Variants in INPP4B observed in about 807,000 individuals in gnomAD.
INPP4B encodes the protein inositol polyphosphate-4-phosphatase type II B.
A neutral mutation model predicts 122.5 loss-of-function variants in INPP4B; 55 were observed. The observed-to-expected ratio is 0.45, with a 90% confidence interval of 0.36 to 0.56. The LOEUF (loss-of-function observed/expected upper bound fraction) is 0.56, where lower values mean the gene tolerates loss of function less well. Among genes scored for constraint, INPP4B ranks in the 20% least tolerant of loss-of-function variants. The pLI is 0.00. For synonymous variants in INPP4B, 403 were observed against 388.7 expected (o/e 1.04, Z -0.43); for missense variants, 1,000 against 1,097.7 (o/e 0.91, Z 1.26).
intron 2 of INPP4B, among the ~76,000 whole-genome samples, chr4:142,647,759 AG>A (rs1330832716): frequency 2.0e-5 from 3 of 152,260 alleles, no homozygotes; most frequent in Non-Finnish European, 4.4e-5. Flanking sequence ...GTTTTCTTAC[AG>A]GCAATTTGGA....
intron 8 of INPP4B, among the ~76,000 whole-genome samples, chr4:142,308,368 C>G (rs1257476041): frequency 6.6e-6 from 1 of 151,856 alleles, no homozygotes; most frequent in Non-Finnish European, 1.5e-5. Flanking sequence ...TTTTTTAATC[C>G]TAAAAATAAC....
chr4:142,456,195 G>A (rs545550523), intron 3 of INPP4B, among the ~76,000 whole-genome samples: 2 of 151,994 alleles, frequency 1.3e-5, no homozygotes, highest in South Asian at 4.1e-4. Flanking sequence ...GGTTGTCTAT[G>A]CTTGTGGGGT....
intron 3 of INPP4B, among the ~76,000 whole-genome samples, chr4:142,454,281 T>G (rs1422542280): frequency 6.6e-6 from 1 of 152,098 alleles, no homozygotes; most frequent in African/African-American, 2.4e-5. Flanking sequence ...GTAGAAAAGT[T>G]TCCTTTCACA....
intron 8 of INPP4B, 76 bp downstream of exon 8, chr4:142,314,636 C>A: frequency 1.1e-5 from 15 of 1,342,038 alleles, no homozygotes; most frequent in Non-Finnish European, 1.6e-5. Flanking sequence ...AGTTACCAAG[C>A]AGGAGGCCAG....
rs1176261906 is a variant in INPP4B at position 142,627,465 on chromosome 4, G to C, written c.-191+98374C>G. 5.7e-5 allele frequency among the ~76,000 whole-genome samples: 8 copies of C among 141,024 alleles called. No homozygotes were observed. The South Asian group carries it at 2.0e-3, about 35-fold the overall frequency. The allele number at this position is 141,024 out of a possible 152,430, so 92.5% of individuals were successfully genotyped here. A position where few individuals can be genotyped will look rare whatever the true frequency, so the allele number is the denominator to read the frequency against. On this transcript the variant is annotated intron_variant, in intron 2 of 25. Coordinates refer to ENST00000262992, the MANE Select transcript of INPP4B (RefSeq NM_001101669.3). ...TTATTGAGAGTTTTTAGCATGAAGG[G>C]TTGTTGAATTTTGTCAAAGGCTTTT...
Position 142,787,591 on chromosome 4 carries a change from A to T in INPP4B, c.-254+58618T>A, listed in dbSNP as rs150880786. ...GGGTTTCATTCATATTCATATTACC[A>T]ACTTATTTTATACATTGAGCTGTCA... is the stretch of plus-strand genomic sequence containing the variant. On this transcript the variant is annotated intron_variant, in intron 1 of 25. Coordinates refer to ENST00000262992, the MANE Select transcript of INPP4B (RefSeq NM_001101669.3). Among the ~76,000 whole-genome samples the T allele has an allele frequency of 2.5e-3, 373 of 152,218 alleles. 5 individuals carry two copies. Among genetic ancestry groups the T allele is most frequent in the East Asian group, 0.019 (96 of 5,162 alleles).
At chr4:142,276,663 A>G (rs1748562428) in intron 9 of INPP4B, among the ~76,000 whole-genome samples, 1 of 151,932 alleles carries the variant, frequency 6.6e-6, no homozygotes, top group Non-Finnish European at 1.5e-5. Context: ...TCTTCAGTAT[A>G]TGGAAATGAG....
At chr4:142,354,838 G>A (rs1019457837) in intron 7 of INPP4B, among the ~76,000 whole-genome samples, 1 of 152,010 alleles carries the variant, frequency 6.6e-6, no homozygotes, top group Non-Finnish European at 1.5e-5. Context: ...CATACGGCTA[G>A]TTATCTATTT....
chr4:142,696,519 C>T (rs974142104), intron 2 of INPP4B, among the ~76,000 whole-genome samples: 41 of 152,310 alleles, frequency 2.7e-4, no homozygotes, highest in African/African-American at 8.4e-4. Flanking sequence ...CCAGCCCTGA[C>T]ATCTGTCTCC....
intron 2 of INPP4B, among the ~76,000 whole-genome samples, chr4:142,540,639 TA>T (rs1828830064): frequency 1.3e-5 from 2 of 152,288 alleles, no homozygotes; most frequent in South Asian, 4.1e-4. Flanking sequence ...TACTTTATAC[TA>T]AAAGTAATTA....
chr4:142,296,286 A>G (rs915149087), intron 9 of INPP4B, among the ~76,000 whole-genome samples: 25 of 150,372 alleles, frequency 1.7e-4, no homozygotes, highest in Admixed American at 1.1e-3. Context: ...GATTAGGAAC[A>G]TAAAAAAAAT....
chr4:142,775,240 A>C (rs1773676762), intron 1 of INPP4B, among the ~76,000 whole-genome samples: 1 of 151,010 alleles, frequency 6.6e-6, no homozygotes. Flanking sequence ...TTGTAAAGTT[A>C]CTCTCCTCCA....
chr4:142,323,841 G>C (rs973458442), intron 7 of INPP4B, among the ~76,000 whole-genome samples: 4 of 151,902 alleles, frequency 2.6e-5, no homozygotes, highest in Non-Finnish European at 5.9e-5. Flanking sequence ...GCAAATGGCA[G>C]GTAAGGTGAG....
At chr4:142,824,583 T>C (rs980947257) in intron 1 of INPP4B, among the ~76,000 whole-genome samples, 2 of 152,136 alleles carry the variant, frequency 1.3e-5, no homozygotes, top group African/African-American at 2.4e-5. Context: ...AATCACTCCC[T>C]TCAAAGGCAC....
chr4:142,114,544 T>TA (rs1454049583), intron 21 of INPP4B, among the ~76,000 whole-genome samples: 2 of 152,138 alleles, frequency 1.3e-5, no homozygotes, highest in Non-Finnish European at 2.9e-5. Context: ...CTTGTACTTA[T>TA]AAATCATTCA....
chr4:142,730,106 T>C (rs1020130805), intron 1 of INPP4B, among the ~76,000 whole-genome samples: 2 of 152,140 alleles, frequency 1.3e-5, no homozygotes, highest in Admixed American at 6.5e-5. Context: ...CACCTTCAGT[T>C]CACTCCATAA....
At chr4:142,283,260 T>TG (rs1752026017) in intron 9 of INPP4B, among the ~76,000 whole-genome samples, 1 of 151,888 alleles carries the variant, frequency 6.6e-6, no homozygotes, top group Admixed American at 6.6e-5. Context: ...GGGGAGATGG[T>TG]GAGGACAAAC....
chr4:142,108,711 AT>A (rs1383504249), intron 22 of INPP4B, among the ~76,000 whole-genome samples: 2 of 151,970 alleles, frequency 1.3e-5, no homozygotes, highest in East Asian at 3.9e-4. Context: ...TTCTGCCGAC[AT>A]TTTTTTCGTT....
At chr4:142,293,596 C>T (rs1757355817) in intron 9 of INPP4B, among the ~76,000 whole-genome samples, 1 of 152,110 alleles carries the variant, frequency 6.6e-6, no homozygotes, top group African/African-American at 2.4e-5. Flanking sequence ...CTACGTTTCC[C>T]TATCTTCCAT....
Sources: gnomAD v4.1 joint callset for allele counts (sites outside exome capture counted in the v4.1 genomes callset) on GRCh38, gnomAD v4.1.1 for gene constraint, MANE v1.5 for transcripts, NCBI Gene and HGNC (gene_info 2026-07-23, HGNC 2026-07-21) for gene names.